ADAMTS19: variants seen among roughly 807,000 people sequenced by gnomAD.
The protein encoded by ADAMTS19 is A disintegrin and metalloproteinase with thrombospondin motifs 19.
ADAMTS19 carries 93 observed loss-of-function variants against 153.3 expected under a neutral mutation model. The ratio of observed to expected loss-of-function variants is 0.61; its 90% CI spans 0.51 to 0.72. The LOEUF is 0.72. Among genes scored for constraint, ADAMTS19 ranks in the 30% least tolerant of loss-of-function variants. The probability of loss-of-function intolerance (pLI) is 0.00; values close to 1 mark genes in which losing one functional copy is unlikely to be tolerated. For synonymous variants in ADAMTS19, 600 were observed against 556.6 expected (o/e 1.08, Z -1.10); for missense variants, 1,482 against 1,552.1 (o/e 0.95, Z 0.76).
intron 21 of ADAMTS19, among the ~76,000 whole-genome samples, chr5:129,714,764 C>T (rs1756646131): frequency 6.6e-6 from 1 of 152,174 alleles, no homozygotes; most frequent in South Asian, 2.1e-4. Flanking sequence ...TTCTTTGACT[C>T]AGCAAAAATT....
intron 21 of ADAMTS19, among the ~76,000 whole-genome samples, chr5:129,728,700 G>A (rs1363475): frequency 0.48 from 72,165 of 151,858 alleles, 18,130 homozygotes; most frequent in Non-Finnish European, 0.56. Flanking sequence ...CTTCCACAGT[G>A]GTAGTAATCT....
rs549568746 is a variant in ADAMTS19 at position 129,495,921 on chromosome 5, T to C, written c.748-13156T>C. On this transcript the variant is annotated intron_variant, in intron 2 of 22. Transcript: ENST00000274487. ...TAAATCAGCAAGAGATTACAATAGATTTTTAGCCTCTGTTCTCACTGGTGG... is the reference window on the plus strand; with the variant it reads ...TAAATCAGCAAGAGATTACAATAGACTTTTAGCCTCTGTTCTCACTGGTGG... Among the ~76,000 whole-genome samples the C allele has an allele frequency of 7.2e-5, 11 of 152,142 alleles. No homozygotes were observed. In the East Asian group the frequency reaches 2.1e-3, roughly 29 times the overall value.
At chr5:129,621,638 T>C (rs1751780026) in intron 9 of ADAMTS19, among the ~76,000 whole-genome samples, 1 of 152,208 alleles carries the variant, frequency 6.6e-6, no homozygotes, top group Admixed American at 6.6e-5. Flanking sequence ...CTGTAGGCCC[T>C]AATGAGTTCC....
At chr5:129,644,451 T>G (rs958696865) in intron 11 of ADAMTS19, among the ~76,000 whole-genome samples, 38 of 152,222 alleles carry the variant, frequency 2.5e-4, no homozygotes, top group Non-Finnish European at 4.7e-4. Flanking sequence ...TCTAGTGATA[T>G]TAATCAAACT....
chr5:129,607,686 CA>C (rs1750972112), intron 8 of ADAMTS19, among the ~76,000 whole-genome samples: 1 of 151,984 alleles, frequency 6.6e-6, no homozygotes, highest in African/African-American at 2.4e-5. Flanking sequence ...TACAATACTT[CA>C]ATTATATTTC....
chr5:129,680,378 A>C (rs1020460179), intron 17 of ADAMTS19, among the ~76,000 whole-genome samples: 2 of 152,172 alleles, frequency 1.3e-5, no homozygotes, highest in Non-Finnish European at 2.9e-5. Context: ...AGTGCTCCCC[A>C]TCACCCTGTT....
At chr5:129,681,845 A>G in intron 17 of ADAMTS19, among the ~76,000 whole-genome samples, 1 of 152,196 alleles carries the variant, frequency 6.6e-6, no homozygotes, top group African/African-American at 2.4e-5. Flanking sequence ...ATCTAGCGAG[A>G]GAAAATAAAA....
chr5:129,709,530 T>C (rs1441460804), intron 21 of ADAMTS19, among the ~76,000 whole-genome samples: 1 of 152,156 alleles, frequency 6.6e-6, no homozygotes, highest in Non-Finnish European at 1.5e-5. Context: ...ACTCTAATTG[T>C]TTAAAAAAGT....
At chr5:129,463,877 G>T (rs1304924031) in intron 2 of ADAMTS19, among the ~76,000 whole-genome samples, 1 of 152,146 alleles carries the variant, frequency 6.6e-6, no homozygotes, top group African/African-American at 2.4e-5. Flanking sequence ...GCCTTTTAGG[G>T]GCTCACAAGT....
chr5:129,678,369 C>T (rs958938597), intron 16 of ADAMTS19, among the ~76,000 whole-genome samples: 2 of 152,128 alleles, frequency 1.3e-5, no homozygotes, highest in Non-Finnish European at 2.9e-5. Context: ...CCTCTTTCAA[C>T]TCTGCCACGC....
Position 129,497,308 on chromosome 5 carries a change from C to A in ADAMTS19, c.748-11769C>A, listed in dbSNP as rs1750955769. 2.0e-5 allele frequency among the ~76,000 whole-genome samples: 3 copies of A among 152,000 alleles called. No homozygotes were observed. In the South Asian group the frequency reaches 6.2e-4, roughly 32 times the overall value. On this transcript the variant is annotated intron_variant, in intron 2 of 22. Coordinates refer to ENST00000274487, the MANE Select transcript of ADAMTS19 (RefSeq NM_133638.6). ...TCCTTTGCTTTTTCTTTCTCTTCTT[C>A]CCAGTGTTAGGGTCCTCAGGGATTG...
intron 7 of ADAMTS19, among the ~76,000 whole-genome samples, chr5:129,588,239 A>T (rs1168826090): frequency 6.6e-6 from 1 of 152,158 alleles, no homozygotes; most frequent in African/African-American, 2.4e-5. Context: ...TAGGAGGAAG[A>T]AGAGAGGGAG....
intron 3 of ADAMTS19, among the ~76,000 whole-genome samples, chr5:129,510,594 A>G (rs1401129708): frequency 6.6e-6 from 1 of 151,858 alleles, no homozygotes. Flanking sequence ...GGGAAATGAT[A>G]AAAACGACAG....
chr5:129,594,818 G>A (rs180706936), intron 7 of ADAMTS19, among the ~76,000 whole-genome samples: 1 of 151,492 alleles, frequency 6.6e-6, no homozygotes, highest in Admixed American at 6.6e-5. Context: ...ATCCCTCTCT[G>A]TGTATCCTTA....
intron 2 of ADAMTS19, among the ~76,000 whole-genome samples, chr5:129,486,080 C>A (rs1055374151): frequency 5.3e-5 from 8 of 152,128 alleles, no homozygotes; most frequent in African/African-American, 1.7e-4. Context: ...CGTAAGCCAC[C>A]GCGCCTGGCC....
rs565423012 is a variant in ADAMTS19, at chr5:129,537,346, AC to A, written c.1328+8671del. On this transcript the variant is annotated intron_variant, in intron 6 of 22. Coordinates refer to ENST00000274487, the MANE Select transcript of ADAMTS19 (RefSeq NM_133638.6). ...GTTGGTGGGACTGTAAACTAGTTCAACCATTGTGGAAGTCGGTGTTGCGATT... is the reference window on the plus strand; with the variant it reads ...GTTGGTGGGACTGTAAACTAGTTCAACATTGTGGAAGTCGGTGTTGCGATT... 2.0e-5 allele frequency among the ~76,000 whole-genome samples: 3 copies of A among 152,316 alleles called. No homozygotes were observed. In the South Asian group the frequency reaches 6.2e-4, roughly 32 times the overall value.
At chr5:129,495,880 C>T (rs1750912088) in intron 2 of ADAMTS19, among the ~76,000 whole-genome samples, 1 of 151,954 alleles carries the variant, frequency 6.6e-6, no homozygotes, top group African/African-American at 2.4e-5. Flanking sequence ...GTATGATCTC[C>T]TATAGCAGCC....
At chr5:129,583,604 C>T (rs572345910) in intron 7 of ADAMTS19, among the ~76,000 whole-genome samples, 2 of 151,788 alleles carry the variant, frequency 1.3e-5, no homozygotes, top group African/African-American at 4.8e-5. Context: ...AGGTTTTGTT[C>T]ATTCCTTTTC....
At chr5:129,567,185 G>A (rs148046780) in intron 7 of ADAMTS19, among the ~76,000 whole-genome samples, 1 of 152,178 alleles carries the variant, frequency 6.6e-6, no homozygotes, top group East Asian at 1.9e-4. Flanking sequence ...ACACGCAGAA[G>A]CCTTGTAAGT....
Sources: gnomAD v4.1 joint callset for allele counts (sites outside exome capture counted in the v4.1 genomes callset) on GRCh38, gnomAD v4.1.1 for gene constraint, MANE v1.5 for transcripts, NCBI Gene and HGNC (gene_info 2026-07-23, HGNC 2026-07-21) for gene names.